B4GALT6: variants seen among roughly 807,000 people sequenced by gnomAD.
B4GALT6 encodes the protein beta-1,4-galactosyltransferase 6, also known as UDP-Gal:beta-GlcNAc beta-1,4-galactosyltransferase 6.
A neutral mutation model predicts 46.3 loss-of-function variants in B4GALT6; 14 were observed. That is an observed-to-expected ratio of 0.30 (90% CI 0.20 to 0.47). The LOEUF (loss-of-function observed/expected upper bound fraction) is 0.47, where lower values mean the gene tolerates loss of function less well. Ranked by LOEUF, B4GALT6 falls within the 20% of genes least tolerant of loss-of-function variation. The pLI is 0.99. For missense variants in B4GALT6, 386 were observed against 480.1 expected, an observed-to-expected ratio of 0.80 and a Z score of 1.83; for synonymous variants, 168 against 162.0, an observed-to-expected ratio of 1.04 and a Z score of -0.28.
At chr18:31,724,493 C>T in the B4GALT6 span, 12 of 1,013,508 alleles carry the variant, frequency 1.2e-5, no homozygotes, top group African/African-American at 1.7e-4. Flanking sequence ...GCTTTGATTA[C>T]CTGGGGTCTT....
intron 4 of B4GALT6, among the ~76,000 whole-genome samples, chr18:31,642,787 C>T (rs1183799990): frequency 6.6e-6 from 1 of 152,188 alleles, no homozygotes; most frequent in Non-Finnish European, 1.5e-5. Context: ...CGGGTTCAAG[C>T]AATTCTCCTG....
At chr18:31,706,250 G>A in the B4GALT6 span, among the ~76,000 whole-genome samples, 1 of 152,022 alleles carries the variant, frequency 6.6e-6, no homozygotes, top group East Asian at 1.9e-4. Flanking sequence ...ATACAGGCAA[G>A]AGGAGTATAT....
intron 4 of B4GALT6, among the ~76,000 whole-genome samples, chr18:31,642,433 C>T (rs1567964596): frequency 1.3e-5 from 2 of 152,218 alleles, no homozygotes; most frequent in Non-Finnish European, 2.9e-5. Context: ...ATAAATGAAA[C>T]TCCAGGCCTC....
chr18:31,664,488 T>C (rs2074260097), intron 2 of B4GALT6, among the ~76,000 whole-genome samples: 1 of 152,126 alleles, frequency 6.6e-6, no homozygotes, highest in Non-Finnish European at 1.5e-5. Context: ...TCTTTGGTCT[T>C]TATTGAAACT....
the B4GALT6 span, chr18:31,719,292 G>C: frequency 6.6e-6 from 1 of 152,252 alleles, no homozygotes; most frequent in African/African-American, 2.4e-5. Context: ...GGGTAGAGCT[G>C]ACATACTCCA....
the B4GALT6 span, among the ~76,000 whole-genome samples, chr18:31,717,744 C>G: frequency 6.6e-6 from 1 of 152,032 alleles, no homozygotes; most frequent in South Asian, 2.1e-4. Context: ...CACCGGAGTT[C>G]AGGAGTTCGA....
chr18:31,693,841 G>A, the B4GALT6 span, among the ~76,000 whole-genome samples: 1 of 152,028 alleles, frequency 6.6e-6, no homozygotes, highest in Admixed American at 6.6e-5. Flanking sequence ...GGCAGTACAC[G>A]CCTGTAGTCC....
At chr18:31,677,984 C>T (rs2074433977) in intron 1 of B4GALT6, among the ~76,000 whole-genome samples, 2 of 152,196 alleles carry the variant, frequency 1.3e-5, no homozygotes, top group African/African-American at 4.8e-5. Context: ...TCCCCTCCTA[C>T]CTCCACATTT....
chr18:31,705,470 C>A, the B4GALT6 span, among the ~76,000 whole-genome samples: 4 of 152,170 alleles, frequency 2.6e-5, no homozygotes, highest in Non-Finnish European at 5.9e-5. Flanking sequence ...CTCACTGCAA[C>A]CTCCACCTCC....
intron 5 of B4GALT6, among the ~76,000 whole-genome samples, chr18:31,634,676 T>C (rs2073835726): frequency 6.6e-6 from 1 of 152,214 alleles, no homozygotes; most frequent in South Asian, 2.1e-4. Flanking sequence ...ATCCTCTATA[T>C]TTAACTAGAA....
In B4GALT6 at chr18:31,658,042, T is replaced by A; in HGVS notation, c.280A>T (p.Thr94Ser). The A allele has an allele frequency of 6.2e-7, 1 of 1,613,448 alleles. No individual in the cohort carries two copies. The highest frequency in any genetic ancestry group is 8.5e-7 in the Non-Finnish European group (1 of 1,179,818). The change falls in exon 3 of 9, where the codon ACG becomes TCG. Residue 94 changes from threonine (T) to serine (S), a missense_variant. By Grantham distance (58) the Thr-to-Ser change is moderately conservative. This residue lies in a region of B4GALT6 where 323 missense variants were observed against 438.9 expected (regional missense o/e 0.74). Transcript: ENST00000306851. ...NSSDYLVQTT[T>S]YLPENFTYSP... Reference sequence around the variant, plus strand: ...TATGTGAAGTTTTCCGGGAGATACGTTGTTGTTTGAACAAGATAATCACTT... The same window carrying A: ...TATGTGAAGTTTTCCGGGAGATACGATGTTGTTTGAACAAGATAATCACTT...
At chr18:31,681,525 A>G (rs1446249230) in intron 1 of B4GALT6, among the ~76,000 whole-genome samples, 1 of 152,234 alleles carries the variant, frequency 6.6e-6, no homozygotes, top group Non-Finnish European at 1.5e-5. Context: ...TTCCTTGAAA[A>G]TAATGAGCTT....
intron 2 of B4GALT6, among the ~76,000 whole-genome samples, chr18:31,661,547 C>G (rs779160338): frequency 7.0e-6 from 1 of 142,826 alleles, no homozygotes; most frequent in Non-Finnish European, 1.5e-5. Flanking sequence ...CGCTCTCTCT[C>G]ACACACACAC....
At chr18:31,686,384 A>G (rs891964740), upstream of B4GALT6, 3 of 152,214 alleles carry the variant, frequency 2.0e-5, no homozygotes, top group African/African-American at 7.2e-5. Context: ...CCTGGAAGCT[A>G]CTACTTTGTG....
Position 31,684,364 on chromosome 18 carries a change from G to A in B4GALT6, c.63C>T (p.Phe21=), listed in dbSNP as rs897933760. Residue 21 remains phenylalanine (F), a synonymous_variant, in exon 1 of 9, where the codon TTC becomes TTT. Coordinates refer to ENST00000306851, the MANE Select transcript of B4GALT6 (RefSeq NM_004775.5). ...ACAGACAGGACGAAGAGAGGGAGAAGAAGAAGATGAAGGCGAGGAGAGAGC... is the reference window on the plus strand; with the variant it reads ...ACAGACAGGACGAAGAGAGGGAGAAAAAGAAGATGAAGGCGAGGAGAGAGC... ...SNRSLLAFIF[F]FSLSSSCLYF... The A allele has an allele frequency of 2.5e-6, 4 of 1,613,930 alleles. No individual in the cohort carries two copies. Among genetic ancestry groups the A allele is most frequent in the South Asian group, 2.2e-5 (2 of 91,060 alleles).
chr18:31,639,558 A>G (rs2073904415), intron 4 of B4GALT6, among the ~76,000 whole-genome samples: 1 of 152,220 alleles, frequency 6.6e-6, no homozygotes, highest in African/African-American at 2.4e-5. Context: ...AGTTTTTGAT[A>G]CATTTTAAAA....
At chr18:31,701,497 C>A in the B4GALT6 span, among the ~76,000 whole-genome samples, 1 of 151,782 alleles carries the variant, frequency 6.6e-6, no homozygotes, top group African/African-American at 2.4e-5. Flanking sequence ...CAGGCTAATA[C>A]ATATATAAAA....
At chr18:31,666,646 C>A (rs2074286501) in intron 1 of B4GALT6, among the ~76,000 whole-genome samples, 1 of 152,034 alleles carries the variant, frequency 6.6e-6, no homozygotes, top group South Asian at 2.1e-4. Context: ...AATGAACCCC[C>A]ACATCTGTGA....
intron 5 of B4GALT6, among the ~76,000 whole-genome samples, chr18:31,633,353 CGGA>C (rs1318716134): frequency 2.0e-5 from 3 of 151,954 alleles, no homozygotes; most frequent in Non-Finnish European, 4.4e-5. Flanking sequence ...GGGTTTTAAG[CGGA>C]GGAGAGACTT....
Sources: gnomAD v4.1 joint callset for allele counts (sites outside exome capture counted in the v4.1 genomes callset) on GRCh38, gnomAD v4.1.1 for gene constraint, gnomAD v4.1.1 regional missense constraint, MANE v1.5 for transcripts, NCBI Gene and HGNC (gene_info 2026-07-23, HGNC 2026-07-21) for gene names.